ESR1: variants seen among roughly 807,000 people sequenced by gnomAD.
The protein encoded by ESR1 is estrogen receptor 1, also known as estrogen receptor.
A neutral mutation model predicts 52.7 loss-of-function variants in ESR1; 12 were observed. The observed-to-expected ratio is 0.23, with a 90% confidence interval of 0.15 to 0.37. The LOEUF is 0.37. Ranked by LOEUF, ESR1 falls within the 10% of genes least tolerant of loss-of-function variation. The probability of loss-of-function intolerance (pLI) is 1.00; values close to 1 mark genes in which losing one functional copy is unlikely to be tolerated. For missense variants in ESR1, 584 were observed against 779.7 expected (o/e 0.75, Z 2.99); for synonymous variants, 305 against 316.8 (o/e 0.96, Z 0.39).
intron 2 of ESR1, among the ~76,000 whole-genome samples, chr6:151,851,202 T>A (rs1291510300): frequency 6.6e-6 from 1 of 152,214 alleles, no homozygotes; most frequent in Non-Finnish European, 1.5e-5. Flanking sequence ...GATGATTCCA[T>A]TTCTTTGCTG....
intron 4 of ESR1, among the ~76,000 whole-genome samples, chr6:151,962,357 T>C (rs980337256): frequency 2.0e-5 from 3 of 152,150 alleles, no homozygotes; most frequent in African/African-American, 7.2e-5. Context: ...TTCTGCCCCC[T>C]GTTCCCTGAG....
At chr6:151,735,587 C>T (rs1271757199) in intron 2 of ESR1, among the ~76,000 whole-genome samples, 1 of 151,420 alleles carries the variant, frequency 6.6e-6, no homozygotes, top group Non-Finnish European at 1.5e-5. Flanking sequence ...ATTTCAATAG[C>T]TTTAGGGGTA....
intron 2 of ESR1, among the ~76,000 whole-genome samples, chr6:151,770,837 T>C (rs576800749): frequency 6.6e-6 from 1 of 152,180 alleles, no homozygotes; most frequent in South Asian, 2.1e-4. Flanking sequence ...TCTATCACAT[T>C]AGACCTGGAG....
intron 5 of ESR1, among the ~76,000 whole-genome samples, chr6:152,013,339 C>A (rs550871986): frequency 6.6e-6 from 1 of 152,232 alleles, no homozygotes; most frequent in South Asian, 2.1e-4. Context: ...TTAGACCACA[C>A]GTAACATTTC....
Position 152,081,791 on chromosome 6 carries a change from A to T in ESR1, c.1370-12594A>T, listed in dbSNP as rs564213961. Reference sequence around the variant, plus strand: ...AGATGCAATAAAAAATGATAAAGGGATATCACCACCGATCCCACAGAAATA... The same window carrying T: ...AGATGCAATAAAAAATGATAAAGGGTTATCACCACCGATCCCACAGAAATA... On this transcript the variant is annotated intron_variant, in intron 6 of 7. Coordinates refer to ENST00000206249, the MANE Select transcript of ESR1 (RefSeq NM_000125.4). Among the ~76,000 whole-genome samples, 3 of 152,250 alleles carry T rather than the reference A, an allele frequency of 2.0e-5. No individual in the cohort carries two copies. In the South Asian group the frequency reaches 6.2e-4, roughly 32 times the overall value.
At chr6:151,959,439 A>G (rs1418306985) in intron 4 of ESR1, among the ~76,000 whole-genome samples, 1 of 152,206 alleles carries the variant, frequency 6.6e-6, no homozygotes, top group Non-Finnish European at 1.5e-5. Context: ...CTTAGGATAA[A>G]CACAGCCTTT....
At chr6:151,668,139 A>G (rs1394953573) in intron 1 of ESR1, among the ~76,000 whole-genome samples, 1 of 152,184 alleles carries the variant, frequency 6.6e-6, no homozygotes, top group Non-Finnish European at 1.5e-5. Flanking sequence ...TCTGGTGACT[A>G]GGAAGTCCAA....
chr6:151,695,319 A>G (rs756921733), intron 1 of ESR1, among the ~76,000 whole-genome samples: 10 of 152,148 alleles, frequency 6.6e-5, no homozygotes, highest in Admixed American at 2.0e-4. Context: ...GCAGTCTTCC[A>G]GTTCTCCTTT....
intron 1 of ESR1, among the ~76,000 whole-genome samples, chr6:151,697,543 A>T (rs1779444856): frequency 6.6e-6 from 1 of 152,264 alleles, no homozygotes; most frequent in Non-Finnish European, 1.5e-5. Context: ...ATATTTTTAT[A>T]GTAAAATTAT....
chr6:151,661,970 C>T (rs188873368), intron 1 of ESR1, among the ~76,000 whole-genome samples: 1 of 152,304 alleles, frequency 6.6e-6, no homozygotes, highest in African/African-American at 2.4e-5. Flanking sequence ...AAGTCTCAGG[C>T]ACCTAAACCA....
In ESR1 at chr6:151,807,823, G is replaced by T. The variant is rs1778129655; in HGVS notation, c.-90G>T. The T allele has an allele frequency of 8.5e-7, 1 of 1,179,676 alleles. No homozygotes were observed. 73.1% of individuals were successfully genotyped at this position (1,179,676 alleles called of 1,614,324 possible). On this transcript the variant is annotated 5_prime_UTR_variant, in exon 1 of 8. Transcript: ENST00000206249. Reference sequence around the variant, plus strand: ...CATGCGCTGCGTCGCCTCTAACCTCGGGCTGTGCTCTTTTTCCAGGTGGCC... The same window carrying T: ...CATGCGCTGCGTCGCCTCTAACCTCTGGCTGTGCTCTTTTTCCAGGTGGCC...
intron 3 of ESR1, among the ~76,000 whole-genome samples, chr6:151,898,985 G>A (rs1032730019): frequency 6.6e-6 from 1 of 151,756 alleles, no homozygotes; most frequent in African/African-American, 2.4e-5. Flanking sequence ...GCCGGGCAGA[G>A]GCGCCCCTCA....
At chr6:151,666,698 CT>C (rs1777837067) in intron 1 of ESR1, among the ~76,000 whole-genome samples, 3 of 54,504 alleles carry the variant, frequency 5.5e-5, no homozygotes, top group Admixed American at 1.4e-4. Flanking sequence ...CCCCATCCCC[CT>C]CCTCCTCCTC....
chr6:151,770,184 G>T (rs1208151736), intron 2 of ESR1, among the ~76,000 whole-genome samples: 1 of 152,174 alleles, frequency 6.6e-6, no homozygotes, highest in African/African-American at 2.4e-5. Context: ...TCTAAATTAT[G>T]TGTTGACATT....
rs1218237385 is a variant in ESR1, at chr6:152,098,945, G to A, written c.1767G>A (p.Glu589=). 1.2e-6 allele frequency: 2 copies of A among 1,614,110 alleles called. No individual in the cohort carries two copies. The highest frequency in any genetic ancestry group is 1.1e-5 in the South Asian group (1 of 91,076). The change falls in exon 8 of 8, where the codon GAG becomes GAA. Residue 589 remains glutamate (E), a synonymous_variant. Transcript: ENST00000206249. This position sits in a 1 kb window ranked among gnomAD's most constrained non-coding sequence, Gnocchi z 5.1. ...AGTATTACATCACGGGGGAGGCAGAGGGTTTCCCTGCCACGGTCTGAGAGC... is the reference window on the plus strand; with the variant it reads ...AGTATTACATCACGGGGGAGGCAGAAGGTTTCCCTGCCACGGTCTGAGAGC... The part of the protein sequence containing the change: ...LQKYYITGEA[E]GFPATV
At chr6:151,765,178 G>A (rs1224855719) in intron 2 of ESR1, among the ~76,000 whole-genome samples, 1 of 152,040 alleles carries the variant, frequency 6.6e-6, no homozygotes. Context: ...TTGAAATGTG[G>A]TGTACGTTTT....
At chr6:151,903,908 T>C (rs1797060585) in intron 3 of ESR1, among the ~76,000 whole-genome samples, 1 of 152,250 alleles carries the variant, frequency 6.6e-6, no homozygotes, top group Non-Finnish European at 1.5e-5. Context: ...TTTTAATTTC[T>C]AGAGGTAGAG....
intron 2 of ESR1, among the ~76,000 whole-genome samples, chr6:151,789,848 AT>A (rs1351178712): frequency 1.3e-5 from 2 of 151,896 alleles, no homozygotes; most frequent in Non-Finnish European, 2.9e-5. Flanking sequence ...CCTCCCATTT[AT>A]TTGTCTTTGT....
chr6:151,677,105 C>T (rs1034832592), intron 1 of ESR1, among the ~76,000 whole-genome samples: 1 of 152,172 alleles, frequency 6.6e-6, no homozygotes, highest in Non-Finnish European at 1.5e-5. Flanking sequence ...CCTGCCTCAG[C>T]CTCTCCAGTA....
Sources: allele counts gnomAD v4.1 joint callset (sites outside exome capture counted in the v4.1 genomes callset), GRCh38; gene constraint gnomAD v4.1.1; non-coding constraint Gnocchi (gnomAD v3.1); transcripts MANE v1.5; gene names NCBI Gene and HGNC (gene_info 2026-07-23, HGNC 2026-07-21).